VIPAS39: variants seen among roughly 807,000 people sequenced by gnomAD.
VIPAS39 encodes the protein spermatogenesis-defective protein 39 homolog.
VIPAS39 carries 63 observed loss-of-function variants against 84.7 expected under a neutral mutation model. The ratio of observed to expected loss-of-function variants is 0.74; its 90% CI spans 0.61 to 0.92. The LOEUF is 0.92. Among genes scored for constraint, VIPAS39 ranks in the 40% least tolerant of loss-of-function variants. VIPAS39 has a pLI of 0.00. For missense variants in VIPAS39, 499 were observed against 604.5 expected, an observed-to-expected ratio of 0.83 and a Z score of 1.83; for synonymous variants, 192 against 216.5, an observed-to-expected ratio of 0.89 and a Z score of 0.99.
In VIPAS39 at chr14:77,449,363, A is replaced by G; in HGVS notation, c.383-6T>C. ...GGCAGGTGTGTCTGACAGAGCTGAA[A>G]AAGAATAAGCAGCTGGTTCAGAAGG... On this transcript the variant is annotated splice_region_variant and splice_polypyrimidine_tract_variant and intron_variant, in intron 5 of 19. Coordinates refer to ENST00000557658, the MANE Select transcript of VIPAS39 (RefSeq NM_001193315.2). The G allele has an allele frequency of 3.1e-6, 5 of 1,614,184 alleles. No individual in the cohort carries two copies. The East Asian group carries it at 6.7e-5, about 22-fold the overall frequency.
Position 77,449,346 on chromosome 14 carries a change from T to A in VIPAS39, c.394A>T (p.Thr132Ser), listed in dbSNP as rs1566736968. 9.9e-6 allele frequency: 16 copies of A among 1,614,228 alleles called. No homozygotes were observed. Among genetic ancestry groups the A allele is most frequent in the Non-Finnish European group, 1.4e-5 (16 of 1,180,030 alleles). Residue 132 changes from threonine (T) to serine (S), a missense_variant, in exon 6 of 20, where the codon ACA (threonine) becomes TCA (serine). Physicochemically the swap from Thr to Ser is moderately conservative, Grantham distance 58 (BLOSUM62 1). Coordinates refer to ENST00000557658, the MANE Select transcript of VIPAS39 (RefSeq NM_001193315.2). The part of the protein sequence containing the change: ...FQSLSDALSD[T>S]PAKSYAPELG... Reference sequence around the variant, plus strand: ...TCTGGAGCATAGCTTTTGGCAGGTGTGTCTGACAGAGCTGAAAAAGAATAA... The same window carrying A: ...TCTGGAGCATAGCTTTTGGCAGGTGAGTCTGACAGAGCTGAAAAAGAATAA...
chr14:77,432,742 G>C (rs1031372323), intron 16 of VIPAS39, among the ~76,000 whole-genome samples: 1 of 152,208 alleles, frequency 6.6e-6, no homozygotes, highest in South Asian at 2.1e-4. Context: ...AGTTTCCAGA[G>C]GGGGAAAAAA....
Position 77,429,024 on chromosome 14 carries a change from G to A in VIPAS39, c.1338C>T (p.Cys446=). Residue 446 remains cysteine (C), a synonymous_variant, in exon 18 of 20, where the codon TGC becomes TGT. Transcript: ENST00000557658. ...GACTCACATCAATGACGACATCATG[G>A]CACTTGAACTTAGTGGCTAAGTTCA... ...TKLNLATKFK[C]HDVVIDTYRD... The A allele has an allele frequency of 6.2e-7, 1 of 1,613,872 alleles. No homozygotes were observed. Among genetic ancestry groups the A allele is most frequent in the Non-Finnish European group, 8.5e-7 (1 of 1,179,842 alleles).
chr14:77,427,740 G>T, intron 19 of VIPAS39, 104 bp from the exon 20 acceptor site: 1 of 1,482,088 alleles, frequency 6.7e-7, no homozygotes, highest in Non-Finnish European at 9.4e-7. Context: ...ATAATGTAAG[G>T]AAAAGAAAAA....
At chr14:77,435,731 CT>C in intron 13 of VIPAS39, 112 bp downstream of exon 13, 2 of 1,234,338 alleles carry the variant, frequency 1.6e-6, no homozygotes, top group Non-Finnish European at 2.4e-6. Context: ...AAATGAAAGG[CT>C]TTTAGAAACC....
At position 77,428,231 on chromosome 14, in the gene VIPAS39, T is replaced by C. The variant is rs17105786; in HGVS notation, c.1461+139A>G. On this transcript the variant is annotated intron_variant, in intron 19 of 19. Transcript: ENST00000557658. Reference sequence around the variant, plus strand: ...GCTATTCAAAGCAGTGCTTTTGACATTGTGGCCAGAGGAGAGCCTTACATC... The same window carrying C: ...GCTATTCAAAGCAGTGCTTTTGACACTGTGGCCAGAGGAGAGCCTTACATC... 2,894 of 759,232 alleles carry C rather than the reference T, an allele frequency of 3.8e-3. 55 individuals carry two copies. The African/African-American group carries it at 0.043, about 11-fold the overall frequency. 47.0% of individuals were successfully genotyped at this position (759,232 alleles called of 1,614,324 possible).
At position 77,427,609 on chromosome 14, in the gene VIPAS39, A is replaced by G. The variant is rs1163742182; in HGVS notation, c.*7T>C. 2.5e-6 allele frequency: 4 copies of G among 1,614,096 alleles called. No homozygotes were observed. The highest frequency in any genetic ancestry group is 3.4e-6 in the Non-Finnish European group (4 of 1,180,044). On this transcript the variant is annotated 3_prime_UTR_variant, in exon 20 of 20. Transcript: ENST00000557658. ...AATGAGGCAGGCTTCAAGGTAGTCA[A>G]TGCCACTTAATTCTTCCATCGAATT...
intron 16 of VIPAS39, among the ~76,000 whole-genome samples, chr14:77,433,396 T>G (rs2078554856): frequency 6.6e-6 from 1 of 152,170 alleles, no homozygotes; most frequent in South Asian, 2.1e-4. Context: ...AGACGGGGTT[T>G]CACCATGTTG....
chr14:77,441,058 A>G lies in VIPAS39; in HGVS notation c.762+8T>C. 1 of 1,610,370 alleles carries G rather than the reference A, an allele frequency of 6.2e-7. No individual in the cohort carries two copies. Among genetic ancestry groups the G allele is most frequent in the Non-Finnish European group, 8.5e-7 (1 of 1,179,520 alleles). On this transcript the variant is annotated splice_region_variant and intron_variant, in intron 11 of 19. Coordinates refer to ENST00000557658, the MANE Select transcript of VIPAS39 (RefSeq NM_001193315.2). ...CAGGTACCCAACTGAAACAAAGGCC[A>G]CACTTACCGCAAGCTCTTCTGTTCT...
chr14:77,429,557 C>G, intron 17 of VIPAS39, 124 bp downstream of exon 17: 2 of 994,312 alleles, frequency 2.0e-6, no homozygotes, highest in Non-Finnish European at 3.2e-6. Flanking sequence ...AGGCCTATTG[C>G]AGCCATTGTG....
At chr14:77,439,630 G>T (rs1374120399) in intron 11 of VIPAS39, among the ~76,000 whole-genome samples, 2 of 152,002 alleles carry the variant, frequency 1.3e-5, no homozygotes, top group Admixed American at 1.3e-4. Context: ...TCTACAAAAA[G>T]ATTTTTAAAA....
chr14:77,428,583 C>T, intron 18 of VIPAS39, 109 bp from the exon 19 acceptor site: 1 of 877,528 alleles, frequency 1.1e-6, no homozygotes, highest in Non-Finnish European at 1.9e-6. Flanking sequence ...TCTCCTTAGG[C>T]TCCTGAGTAG....
At position 77,433,945 on chromosome 14, in the gene VIPAS39, A is replaced by T; in HGVS notation, c.1090-14T>A. ...TTTATCTGGGATCTGGAAAGCAGAGACCGAGAAAAATTAAGGGGAAGTAGA... is the reference window on the plus strand; with the variant it reads ...TTTATCTGGGATCTGGAAAGCAGAGTCCGAGAAAAATTAAGGGGAAGTAGA... On this transcript the variant is annotated splice_polypyrimidine_tract_variant and intron_variant, in intron 15 of 19. Transcript: ENST00000557658. The T allele has an allele frequency of 6.2e-7, 1 of 1,613,600 alleles. No homozygotes were observed. The highest frequency in any genetic ancestry group is 8.5e-7 in the Non-Finnish European group (1 of 1,179,682).
At chr14:77,435,730 G>C (rs184059375) in intron 13 of VIPAS39, 114 bp downstream of exon 13, 793 of 1,215,736 alleles carry the variant, frequency 6.5e-4, no homozygotes, top group Middle Eastern at 1.3e-3. Flanking sequence ...AAAATGAAAG[G>C]CTTTTAGAAA....
intron 2 of VIPAS39, 126 bp from the exon 3 acceptor site, chr14:77,453,527 C>A: frequency 1.2e-6 from 1 of 865,614 alleles, no homozygotes; most frequent in Non-Finnish European, 2.0e-6. Flanking sequence ...CAATCGAAAG[C>A]CTAGCATACT....
chr14:77,435,147 T>G, intron 14 of VIPAS39, 112 bp downstream of exon 14: 1 of 1,544,118 alleles, frequency 6.5e-7, no homozygotes, highest in African/African-American at 1.4e-5. Context: ...CCAGGTGGAT[T>G]TCTGAGAACT....
At chr14:77,439,803 T>TTA (rs1196745724) in intron 11 of VIPAS39, among the ~76,000 whole-genome samples, 2 of 152,040 alleles carry the variant, frequency 1.3e-5, no homozygotes, top group African/African-American at 2.4e-5. Context: ...ATTTTCAGTA[T>TTA]TATATATATA....
intron 19 of VIPAS39, among the ~76,000 whole-genome samples, chr14:77,428,038 C>T (rs1024018900): frequency 2.6e-5 from 4 of 152,184 alleles, no homozygotes; most frequent in Admixed American, 6.5e-5. Flanking sequence ...TCCATCCCCA[C>T]GAGACCATAC....
In VIPAS39 at chr14:77,427,521, G is replaced by T; in HGVS notation, c.*95C>A. 2 of 1,522,642 alleles carry T rather than the reference G, an allele frequency of 1.3e-6. No individual in the cohort carries two copies. Among genetic ancestry groups the T allele is most frequent in the Non-Finnish European group, 1.8e-6 (2 of 1,097,690 alleles). 94.3% of individuals were successfully genotyped at this position (1,522,642 alleles called of 1,614,324 possible). A position where few individuals can be genotyped will look rare whatever the true frequency, so the allele number is the denominator to read the frequency against. ...CTGCCCATGGGTAATGGGCCCAAGCGATGTGATGCCGCAGCTCTCCCAAAG... is the reference window on the plus strand; with the variant it reads ...CTGCCCATGGGTAATGGGCCCAAGCTATGTGATGCCGCAGCTCTCCCAAAG... On this transcript the variant is annotated 3_prime_UTR_variant, in exon 20 of 20. Coordinates refer to ENST00000557658, the MANE Select transcript of VIPAS39 (RefSeq NM_001193315.2).
Sources: allele counts gnomAD v4.1 joint callset (sites outside exome capture counted in the v4.1 genomes callset), GRCh38; gene constraint gnomAD v4.1.1; transcripts MANE v1.5; gene names NCBI Gene and HGNC (gene_info 2026-07-23, HGNC 2026-07-21).